Variants in SIPA1L1 observed in about 807,000 individuals in gnomAD.
SIPA1L1 encodes the protein signal induced proliferation associated 1 like 1, also known as signal-induced proliferation-associated 1-like protein 1.
SIPA1L1 carries 26 observed loss-of-function variants against 162.7 expected under a neutral mutation model. The ratio of observed to expected loss-of-function variants is 0.16; its 90% CI spans 0.12 to 0.22. SIPA1L1 has a LOEUF of 0.22. Ranked by LOEUF, SIPA1L1 falls within the 10% of genes least tolerant of loss-of-function variation. The pLI is 1.00. For missense variants in SIPA1L1, 1,874 were observed against 2,241.0 expected, an observed-to-expected ratio of 0.84 and a Z score of 3.31; for synonymous variants, 829 against 837.4, an observed-to-expected ratio of 0.99 and a Z score of 0.17.
intron 4 of SIPA1L1, among the ~76,000 whole-genome samples, chr14:71,535,141 T>C (rs975353363): frequency 6.6e-6 from 1 of 152,118 alleles, no homozygotes; most frequent in Non-Finnish European, 1.5e-5. Context: ...GAGCACACCA[T>C]TGAGAAGGGG....
At chr14:71,453,180 A>G (rs775812144) in intron 2 of SIPA1L1, among the ~76,000 whole-genome samples, 23 of 152,266 alleles carry the variant, frequency 1.5e-4, no homozygotes, top group Non-Finnish European at 2.9e-5. Context: ...GCTTTAGTGC[A>G]GTAATTGTCT....
intron 2 of SIPA1L1, among the ~76,000 whole-genome samples, chr14:71,466,605 A>G (rs1404670770): frequency 6.6e-6 from 1 of 152,144 alleles, no homozygotes; most frequent in Non-Finnish European, 1.5e-5. Flanking sequence ...AACAGTAATA[A>G]AATTCACTGT....
intron 12 of SIPA1L1, among the ~76,000 whole-genome samples, 188 bp from the exon 13 acceptor site, chr14:71,685,174 T>C (rs554557371): frequency 6.6e-6 from 1 of 152,296 alleles, no homozygotes; most frequent in Non-Finnish European, 1.5e-5. Context: ...AAAATACTAT[T>C]ATAATACTTC....
Position 71,700,994 on chromosome 14 carries a change from C to CAAAAAAAAAAAAA in SIPA1L1, c.3522-1359_3522-1347dup, listed in dbSNP as rs539293669. Among the ~76,000 whole-genome samples the CAAAAAAAAAAAAA allele has an allele frequency of 4.1e-4, 21 of 51,750 alleles. 1 individual carries two copies. Among genetic ancestry groups the CAAAAAAAAAAAAA allele is most frequent in the Non-Finnish European group, 6.4e-4 (19 of 29,726 alleles). 34.0% of individuals were successfully genotyped at this position (51,750 alleles called of 152,430 possible). ...TAGGGGACAGAGCAAGACTCCGTCT[C>CAAAAAAAAAAAAA]AAAAAAAAAAAAAAAAAAAAAAAAA... On this transcript the variant is annotated intron_variant, in intron 14 of 23. Coordinates refer to ENST00000381232, the MANE Select transcript of SIPA1L1 (RefSeq NM_001386936.1).
intron 3 of SIPA1L1, among the ~76,000 whole-genome samples, chr14:71,520,046 G>A (rs923356816): frequency 5.9e-5 from 9 of 152,080 alleles, no homozygotes; most frequent in African/African-American, 1.4e-4. Flanking sequence ...AGGCTGCAGT[G>A]AACTGTGATT....
At position 71,417,498 on chromosome 14, in the gene SIPA1L1, A is replaced by AAAAAAAAC. The variant is rs1157625899; in HGVS notation, c.-464-95240_-464-95239insAACAAAAA. ...AAAAAAAAAAAAAAAAAAAAAAAAA[A>AAAAAAAAC]AAAAAGAAAATCCTAAAGAAGAGAA... On this transcript the variant is annotated intron_variant, in intron 2 of 23. Transcript: ENST00000381232. 9.5e-5 allele frequency among the ~76,000 whole-genome samples: 14 copies of AAAAAAAAC among 146,598 alleles called. 1 individual carries two copies. The highest frequency in any genetic ancestry group is 2.0e-4 in the Non-Finnish European group (13 of 65,968).
intron 4 of SIPA1L1, among the ~76,000 whole-genome samples, chr14:71,537,169 G>A (rs1158566934): frequency 6.6e-6 from 1 of 151,882 alleles, no homozygotes; most frequent in Admixed American, 6.6e-5. Context: ...CTTTATCCTT[G>A]GGCTGCTGAT....
Position 71,373,005 on chromosome 14 carries a change from A to G in SIPA1L1, c.-465+51824A>G, listed in dbSNP as rs141556717. Reference sequence around the variant, plus strand: ...AATCTCCTAACAAACATCTAAAGGAATGGGTTGAAATGTTACCAGTGTTGG... The same window carrying G: ...AATCTCCTAACAAACATCTAAAGGAGTGGGTTGAAATGTTACCAGTGTTGG... On this transcript the variant is annotated intron_variant, in intron 2 of 23. Coordinates refer to ENST00000381232, the MANE Select transcript of SIPA1L1 (RefSeq NM_001386936.1). Among the ~76,000 whole-genome samples the G allele has an allele frequency of 3.7e-4, 57 of 152,300 alleles. No homozygotes were observed. In the East Asian group the frequency reaches 9.5e-3, roughly 25 times the overall value.
chr14:71,435,575 T>C (rs2141056525), intron 2 of SIPA1L1, among the ~76,000 whole-genome samples: 1 of 152,352 alleles, frequency 6.6e-6, no homozygotes, highest in South Asian at 2.1e-4. Context: ...CAGTCTATCA[T>C]TGATGGACAT....
chr14:71,477,488 C>CTAAT (rs1195644347), intron 2 of SIPA1L1, among the ~76,000 whole-genome samples: 1 of 152,146 alleles, frequency 6.6e-6, no homozygotes, highest in Non-Finnish European at 1.5e-5. Context: ...CAGACCATCT[C>CTAAT]TAATTAATTA....
chr14:71,481,768 T>C (rs1310235043), intron 2 of SIPA1L1, among the ~76,000 whole-genome samples: 2 of 152,192 alleles, frequency 1.3e-5, no homozygotes, highest in African/African-American at 4.8e-5. Flanking sequence ...CATAAATCTC[T>C]TGAAATCCAC....
At position 71,740,920 on chromosome 14, in the gene SIPA1L1, C is replaced by A. The variant is rs574525908; in HGVS notation, c.*1759C>A. ...TGAGTTTAGTTCTCATTTTGTTTTACATTTTGTTTGGGGACTTGGGGCAAG... is the reference window on the plus strand; with the variant it reads ...TGAGTTTAGTTCTCATTTTGTTTTAAATTTTGTTTGGGGACTTGGGGCAAG... On this transcript the variant is annotated 3_prime_UTR_variant, in exon 24 of 24. Transcript: ENST00000381232. The A allele has an allele frequency of 6.6e-6, 1 of 152,148 alleles. No homozygotes were observed. Among genetic ancestry groups the A allele is most frequent in the Non-Finnish European group, 1.5e-5 (1 of 68,010 alleles). The allele number at this position is 152,148 out of a possible 1,614,324, so 9.4% of individuals were successfully genotyped here.
At chr14:71,649,377 A>G (rs1268272025) in intron 7 of SIPA1L1, among the ~76,000 whole-genome samples, 1 of 152,020 alleles carries the variant, frequency 6.6e-6, no homozygotes, top group East Asian at 1.9e-4. Context: ...CATTTTGTAG[A>G]GACAGGGTTT....
intron 6 of SIPA1L1, among the ~76,000 whole-genome samples, chr14:71,623,745 A>G (rs2039684999): frequency 6.6e-6 from 1 of 152,208 alleles, no homozygotes; most frequent in East Asian, 1.9e-4. Flanking sequence ...AGCCATATAG[A>G]GACCTTGATC....
chr14:71,618,940 A>G (rs2039114558), intron 6 of SIPA1L1, 53 bp downstream of exon 6: 1 of 1,588,266 alleles, frequency 6.3e-7, no homozygotes, highest in Non-Finnish European at 8.6e-7. Context: ...GGAAGAAAGC[A>G]AATAGTAGCA....
At chr14:71,331,006 A>G (rs777915879) in intron 2 of SIPA1L1, among the ~76,000 whole-genome samples, 16 of 152,106 alleles carry the variant, frequency 1.1e-4, no homozygotes, top group Non-Finnish European at 2.2e-4. Flanking sequence ...CTTTTTCTTT[A>G]TATTTTCTTC....
chr14:71,346,093 A>G (rs1327954415), intron 2 of SIPA1L1, among the ~76,000 whole-genome samples: 1 of 151,838 alleles, frequency 6.6e-6, no homozygotes, highest in Non-Finnish European at 1.5e-5. Flanking sequence ...TTCTTAGTAG[A>G]GATGGGGTTT....
chr14:71,656,531 T>C, intron 8 of SIPA1L1, among the ~76,000 whole-genome samples: 1 of 152,244 alleles, frequency 6.6e-6, no homozygotes, highest in East Asian at 1.9e-4. Context: ...AGTTGAATCC[T>C]TTGTTGTAGT....
intron 2 of SIPA1L1, among the ~76,000 whole-genome samples, chr14:71,430,701 C>T (rs1433988924): frequency 1.3e-5 from 2 of 152,224 alleles, no homozygotes; most frequent in African/African-American, 4.8e-5. Flanking sequence ...ATATCTTTCT[C>T]AGTTGTGGGA....
Sources: gnomAD v4.1 joint callset for allele counts (sites outside exome capture counted in the v4.1 genomes callset) on GRCh38, gnomAD v4.1.1 for gene constraint, MANE v1.5 for transcripts, NCBI Gene and HGNC (gene_info 2026-07-23, HGNC 2026-07-21) for gene names.